Variants in ZNF704 observed in about 807,000 individuals in gnomAD.
The protein encoded by ZNF704 is zinc finger protein 704, also known as glucocorticoid induced gene 1.
In ZNF704, 10 loss-of-function variants were observed where a neutral mutation model predicts 44.7. The ratio of observed to expected loss-of-function variants is 0.22; its 90% CI spans 0.14 to 0.38. The LOEUF (loss-of-function observed/expected upper bound fraction) is 0.38. Among genes scored for constraint, ZNF704 ranks in the 10% least tolerant of loss-of-function variants. ZNF704 has a pLI of 1.00. For synonymous variants in ZNF704, 211 were observed against 207.6 expected, an observed-to-expected ratio of 1.02 and a Z score of -0.14; for missense variants, 390 against 545.5, an observed-to-expected ratio of 0.71 and a Z score of 2.84.
chr8:80,702,971 C>T (rs151145008), intron 2 of ZNF704, among the ~76,000 whole-genome samples: 54 of 152,172 alleles, frequency 3.5e-4, no homozygotes, highest in African/African-American at 1.2e-3. Context: ...GTGGAAGAAG[C>T]CTTCAAGCAG....
At position 80,768,651 on chromosome 8, in the gene ZNF704, GGCGGTTAACATCGCAT is replaced by G. The variant is rs148629595; in HGVS notation, c.221+52707_221+52722del. ...CACAAGGTTGGCATCAGAAAATAAA[GGCGGTTAACATCGCAT>G]GCTATCTAACTCAACTCCATCCAGT... On this transcript the variant is annotated intron_variant, in intron 2 of 8. Coordinates refer to ENST00000327835, the MANE Select transcript of ZNF704 (RefSeq NM_001033723.3). Among the ~76,000 whole-genome samples the G allele has an allele frequency of 2.6e-3, 391 of 152,142 alleles. 1 individual carries two copies. The highest frequency in any genetic ancestry group is 9.1e-3 in the African/African-American group (376 of 41,510).
intron 7 of ZNF704, among the ~76,000 whole-genome samples, chr8:80,651,316 A>G (rs537453503): frequency 2.0e-5 from 3 of 152,236 alleles, no homozygotes; most frequent in African/African-American, 7.2e-5. Flanking sequence ...ACACATAACA[A>G]TATTAACCTC....
At chr8:80,744,536 A>C (rs1806813189) in intron 2 of ZNF704, among the ~76,000 whole-genome samples, 1 of 152,240 alleles carries the variant, frequency 6.6e-6, no homozygotes, top group South Asian at 2.1e-4. Context: ...CAAATCATGA[A>C]AAATTTCAAA....
chr8:80,701,606 T>C (rs190466479), intron 2 of ZNF704, among the ~76,000 whole-genome samples: 11 of 151,192 alleles, frequency 7.3e-5, no homozygotes, highest in Admixed American at 1.3e-4. Flanking sequence ...CCCACTTACA[T>C]GCAAGGGACC....
chr8:80,659,756 T>C (rs1585929964), intron 6 of ZNF704, 67 bp from the exon 7 acceptor site: 20 of 1,437,756 alleles, frequency 1.4e-5, no homozygotes, highest in East Asian at 4.6e-5. Flanking sequence ...TAAGCTCTTA[T>C]TACCAAAGGA....
chr8:80,742,935 C>T (rs766022731), intron 2 of ZNF704, among the ~76,000 whole-genome samples: 81 of 152,106 alleles, frequency 5.3e-4, no homozygotes, highest in Non-Finnish European at 9.9e-4. Context: ...GGTGACGCAT[C>T]CACCTTTAAA....
Position 80,635,818 on chromosome 8 carries a change from TATA to T in ZNF704, c.*5545_*5547del, listed in dbSNP as rs1308222160. ...GTAGCTGTTGCTATCTTGATTCTCC[TATA>T]ATACCCATTCCATCTGATCTGTATT... On this transcript the variant is annotated 3_prime_UTR_variant, in exon 9 of 9. Coordinates refer to ENST00000327835, the MANE Select transcript of ZNF704 (RefSeq NM_001033723.3). 6.6e-6 allele frequency: 1 copy of T among 152,232 alleles called. No individual in the cohort carries two copies. Among genetic ancestry groups the T allele is most frequent in the Non-Finnish European group, 1.5e-5 (1 of 68,034 alleles). 9.4% of individuals were successfully genotyped at this position (152,232 alleles called of 1,614,324 possible).
intron 2 of ZNF704, among the ~76,000 whole-genome samples, chr8:80,705,631 T>C (rs1057056843): frequency 1.5e-4 from 23 of 152,036 alleles, no homozygotes; most frequent in African/African-American, 5.3e-4. Flanking sequence ...TCCGTGTCTG[T>C]GTGGGTCAGT....
intron 2 of ZNF704, among the ~76,000 whole-genome samples, chr8:80,736,248 G>A (rs2131686509): frequency 6.6e-6 from 1 of 152,264 alleles, no homozygotes; most frequent in Non-Finnish European, 1.5e-5. Flanking sequence ...AAGTTCAGAA[G>A]CCGGAATGTT....
intron 2 of ZNF704, 76 bp from the exon 3 acceptor site, chr8:80,693,183 C>A (rs1239705737): frequency 7.4e-6 from 9 of 1,209,848 alleles, no homozygotes; most frequent in Non-Finnish European, 1.1e-5. Flanking sequence ...GACACGCTGT[C>A]ACGCATTTAC....
intron 4 of ZNF704, among the ~76,000 whole-genome samples, chr8:80,673,848 G>A (rs1261686433): frequency 5.3e-5 from 8 of 152,238 alleles, no homozygotes; most frequent in African/African-American, 9.6e-5. Flanking sequence ...TACCAACCAC[G>A]GAAGGAGCCC....
chr8:80,823,644 G>A (rs1452467498), intron 1 of ZNF704, among the ~76,000 whole-genome samples: 1 of 152,184 alleles, frequency 6.6e-6, no homozygotes, highest in Non-Finnish European at 1.5e-5. Context: ...CCTGACCACC[G>A]AGTAGCCTAA....
chr8:80,670,345 T>C lies in ZNF704; in HGVS notation c.659+158A>G, dbSNP rs150596972. The stretch of plus-strand genomic sequence containing the variant: ...TTCTTTCCACTGTGCCATATTGGCT[T>C]AGATGATCTGCAGTGGCCATCTCTC... On this transcript the variant is annotated intron_variant, in intron 5 of 8. Transcript: ENST00000327835. Among the ~76,000 whole-genome samples the C allele has an allele frequency of 2.2e-3, 328 of 152,314 alleles. 2 individuals are homozygous for C. The highest frequency in any genetic ancestry group is 0.01 in the Middle Eastern group (3 of 294).
chr8:80,666,749 T>C (rs1423844241), intron 5 of ZNF704, among the ~76,000 whole-genome samples: 2 of 150,976 alleles, frequency 1.3e-5, no homozygotes, highest in East Asian at 1.9e-4. Flanking sequence ...GTTTTTTGGC[T>C]GCATAAATGT....
At chr8:80,799,573 T>C (rs1586036049) in intron 2 of ZNF704, among the ~76,000 whole-genome samples, 1 of 152,066 alleles carries the variant, frequency 6.6e-6, no homozygotes, top group Non-Finnish European at 1.5e-5. Flanking sequence ...TACAGGACAG[T>C]GGCTTGACTG....
intron 2 of ZNF704, among the ~76,000 whole-genome samples, chr8:80,759,958 A>G (rs549975302): frequency 4.3e-4 from 66 of 152,128 alleles, no homozygotes; most frequent in African/African-American, 1.5e-3. Context: ...GGATCTTACT[A>G]TGTTACTCAG....
chr8:80,805,461 T>C (rs994614672), intron 2 of ZNF704, among the ~76,000 whole-genome samples: 2 of 152,166 alleles, frequency 1.3e-5, no homozygotes, highest in Non-Finnish European at 2.9e-5. Context: ...TGAGCTAACA[T>C]CTTTTCTTAG....
intron 2 of ZNF704, among the ~76,000 whole-genome samples, chr8:80,696,187 A>T (rs988386461): frequency 6.6e-6 from 1 of 152,206 alleles, no homozygotes; most frequent in Admixed American, 6.5e-5. Context: ...GGAGTTATTG[A>T]TAAAAAACAA....
At chr8:80,765,088 G>A (rs1479961179) in intron 2 of ZNF704, among the ~76,000 whole-genome samples, 3 of 152,192 alleles carry the variant, frequency 2.0e-5, no homozygotes, top group East Asian at 3.9e-4. Context: ...CAGAACCAGG[G>A]AAGCTAATGG....
Sources: gnomAD v4.1 joint callset for allele counts (sites outside exome capture counted in the v4.1 genomes callset) on GRCh38, gnomAD v4.1.1 for gene constraint, MANE v1.5 for transcripts, NCBI Gene and HGNC (gene_info 2026-07-23, HGNC 2026-07-21) for gene names.